Variants in PRSS3 observed in about 807,000 individuals in gnomAD.
PRSS3 encodes serine protease 3.
In PRSS3, 14 loss-of-function variants were observed where a neutral mutation model predicts 20.8. That is an observed-to-expected ratio of 0.67 (90% CI 0.44 to 1.05). PRSS3 has a LOEUF of 1.05. Ranked by LOEUF, PRSS3 falls within the 50% of genes least tolerant of loss-of-function variation. PRSS3 has a pLI of 0.00. For synonymous variants in PRSS3, 91 were observed against 117.6 expected (o/e 0.77, Z 1.46); for missense variants, 237 against 306.4 (o/e 0.77, Z 1.69).
intron 1 of PRSS3, among the ~76,000 whole-genome samples, chr9:33,766,466 G>C (rs1823428221): frequency 6.6e-6 from 1 of 151,988 alleles, no homozygotes; most frequent in Admixed American, 6.6e-5. Context: ...CCAGCTACTC[G>C]GGAGGCTGAG....
intron 1 of PRSS3, among the ~76,000 whole-genome samples, chr9:33,771,856 GTTTC>G (rs1415095397): frequency 2.2e-5 from 3 of 136,308 alleles, no homozygotes; most frequent in East Asian, 2.0e-4. Context: ...ATCCAGGCTA[GTTTC>G]TTTCTTTCTT....
chr9:33,772,210 A>T (rs1169070427), intron 1 of PRSS3, among the ~76,000 whole-genome samples: 1 of 152,126 alleles, frequency 6.6e-6, no homozygotes, highest in East Asian at 1.9e-4. Flanking sequence ...ATGCTCTAAG[A>T]GGGAGTTAAG....
intron 1 of PRSS3, among the ~76,000 whole-genome samples, chr9:33,778,517 TA>T (rs2090150764): frequency 6.6e-6 from 1 of 152,144 alleles, no homozygotes; most frequent in African/African-American, 2.4e-5. Context: ...TTACAACATA[TA>T]AAAATTATAT....
chr9:33,782,761 T>G (rs976214386), intron 1 of PRSS3, among the ~76,000 whole-genome samples: 30 of 152,346 alleles, frequency 2.0e-4, no homozygotes, highest in African/African-American at 7.0e-4. Flanking sequence ...TTACATATAT[T>G]GTTGGTGAAA....
At chr9:33,794,933 C>T (rs1824834251), upstream of PRSS3, 15 of 1,537,996 alleles carry the variant, frequency 9.8e-6, no homozygotes, top group Non-Finnish European at 1.3e-5. Context: ...TCCTTTTAAG[C>T]CTTGGTAGGA....
chr9:33,750,840 C>T lies in PRSS3; in HGVS notation c.-53+113C>T, dbSNP rs1822656944. ...AGAGGGGGTTCCGACTCGCATGGGA[C>T]CTGCGGGGGAGGGTACGCGGACAGG... On this transcript the variant is annotated intron_variant, in intron 1 of 5. Transcript: ENST00000342836. The surrounding 1 kb of genome is among the most constrained non-coding windows in gnomAD (Gnocchi z 4.8). 2 of 1,386,014 alleles carry T rather than the reference C, an allele frequency of 1.4e-6. No homozygotes were observed. The highest frequency in any genetic ancestry group is 1.9e-6 in the Non-Finnish European group (2 of 1,076,476). 85.9% of individuals were successfully genotyped at this position (1,386,014 alleles called of 1,614,324 possible).
At chr9:33,753,886 G>C (rs1822808984) in intron 1 of PRSS3, among the ~76,000 whole-genome samples, 1 of 152,096 alleles carries the variant, frequency 6.6e-6, no homozygotes, top group Non-Finnish European at 1.5e-5. Context: ...GCTGGGAAAG[G>C]GGTTCCGATA....
chr9:33,763,718 AG>A, intron 1 of PRSS3, among the ~76,000 whole-genome samples: 1 of 150,032 alleles, frequency 6.7e-6, no homozygotes, highest in Non-Finnish European at 1.5e-5. Context: ...AAAAAAAAAA[AG>A]GTGGAAATGA....
At chr9:33,793,706 C>T (rs1824746604), upstream of PRSS3, 1 of 976,872 alleles carries the variant, frequency 1.0e-6, no homozygotes, top group South Asian at 4.7e-5. Flanking sequence ...ATCTCCATGG[C>T]TTCCGTTGGC....
At chr9:33,775,766 G>C (rs1392500866) in intron 1 of PRSS3, among the ~76,000 whole-genome samples, 1 of 146,598 alleles carries the variant, frequency 6.8e-6, no homozygotes, top group African/African-American at 2.5e-5. Flanking sequence ...GCAGTGGCAC[G>C]ATCTCAGTTC....
At chr9:33,764,799 C>G (rs958176652) in intron 1 of PRSS3, among the ~76,000 whole-genome samples, 17 of 152,140 alleles carry the variant, frequency 1.1e-4, no homozygotes, top group Non-Finnish European at 1.5e-5. Flanking sequence ...AAACCTGTAT[C>G]TAGAACAAAG....
In PRSS3 at chr9:33,795,636, G is replaced by A. The variant is rs200683703; in HGVS notation, c.40+23G>A. 634 of 1,613,840 alleles carry A rather than the reference G, an allele frequency of 3.9e-4. 6 individuals are homozygous for A. In the South Asian group the frequency reaches 5.0e-3, roughly 13 times the overall value. ...CTGGCGAGTTTCATGACCTGCCTCA[G>A]GCCCCACCCACCCCCTTTCCTGGCA... On this transcript the variant is annotated intron_variant, in intron 1 of 4. Transcript: ENST00000379405.
At chr9:33,764,000 G>C (rs1346200508) in intron 1 of PRSS3, among the ~76,000 whole-genome samples, 1 of 152,096 alleles carries the variant, frequency 6.6e-6, no homozygotes, top group Non-Finnish European at 1.5e-5. Flanking sequence ...TTATTTTTAT[G>C]TGAATCATAA....
Position 33,798,047 on chromosome 9 carries a change from T to C in PRSS3, c.419T>C (p.Leu140Pro). 6.2e-7 allele frequency: 1 copy of C among 1,614,288 alleles called. No homozygotes were observed. Among genetic ancestry groups the C allele is most frequent in the South Asian group, 1.1e-5 (1 of 91,090 alleles). The change falls in exon 3 of 5, where the codon CTC becomes CCC. Residue 140 changes from leucine to proline, a missense_variant. Physicochemically the swap from Leu to Pro is moderately conservative, Grantham distance 98 (BLOSUM62 -3). Transcript: ENST00000379405. ...CCTCCAGCTGCTGGCACTGAGTGCC[T>C]CATCTCCGGCTGGGGCAACACTCTG... ...TTPPAAGTEC[L>P]ISGWGNTLSF...
At chr9:33,778,484 TA>T (rs569508478) in intron 1 of PRSS3, among the ~76,000 whole-genome samples, 3 of 152,298 alleles carry the variant, frequency 2.0e-5, no homozygotes, top group African/African-American at 4.8e-5. Context: ...CTCAAATTAA[TA>T]AGTGCATACC....
Position 33,750,764 on chromosome 9 carries a change from A to G in PRSS3, c.-53+37A>G, listed in dbSNP as rs1822650195. Reference sequence around the variant, plus strand: ...GTACCCGCAGGGGGCTTGAAACTGGAGGAGGGCTCGAAGGGAGAGGGAGCC... The same window carrying G: ...GTACCCGCAGGGGGCTTGAAACTGGGGGAGGGCTCGAAGGGAGAGGGAGCC... On this transcript the variant is annotated intron_variant, in intron 1 of 5. Transcript: ENST00000342836. This position sits in a 1 kb window ranked among gnomAD's most constrained non-coding sequence, Gnocchi z 4.8. The G allele has an allele frequency of 1.4e-6, 2 of 1,415,424 alleles. No individual in the cohort carries two copies. The highest frequency in any genetic ancestry group is 1.8e-6 in the Non-Finnish European group (2 of 1,089,270). The allele number at this position is 1,415,424 out of a possible 1,614,324, so 87.7% of individuals were successfully genotyped here. A position where few individuals can be genotyped will look rare whatever the true frequency, so the allele number is the denominator to read the frequency against.
intron 1 of PRSS3, among the ~76,000 whole-genome samples, chr9:33,796,348 C>A (rs1254827917): frequency 2.6e-4 from 39 of 152,182 alleles, no homozygotes; most frequent in Admixed American, 2.6e-3. Flanking sequence ...GGTGAGACAA[C>A]AACATACCAA....
chr9:33,770,141 A>ATT (rs1554665341), intron 1 of PRSS3, among the ~76,000 whole-genome samples: 1 of 150,860 alleles, frequency 6.6e-6, no homozygotes, highest in Non-Finnish European at 1.5e-5. Flanking sequence ...GTGAAATGAA[A>ATT]CTGTCTCAAA....
chr9:33,762,863 T>C (rs1487623174), intron 1 of PRSS3, among the ~76,000 whole-genome samples: 1 of 152,206 alleles, frequency 6.6e-6, no homozygotes, highest in Non-Finnish European at 1.5e-5. Context: ...ATTGCGGGAA[T>C]AGTGTACGAG....
Sources: gnomAD v4.1 joint callset for allele counts (sites outside exome capture counted in the v4.1 genomes callset) on GRCh38, gnomAD v4.1.1 for gene constraint, Gnocchi (gnomAD v3.1) non-coding constraint, MANE v1.5 for transcripts, NCBI Gene and HGNC (gene_info 2026-07-23, HGNC 2026-07-21) for gene names.